Variants in SLCO3A1 observed in about 807,000 individuals in gnomAD.
SLCO3A1 encodes solute carrier organic anion transporter family member 3A1.
In SLCO3A1, 27 loss-of-function variants were observed where a neutral mutation model predicts 63.1. The ratio of observed to expected loss-of-function variants is 0.43; its 90% confidence interval spans 0.32 to 0.59. The LOEUF (loss-of-function observed/expected upper bound fraction) is 0.59, where lower values mean the gene tolerates loss of function less well. SLCO3A1 is among the 20% of genes least tolerant of loss of function. SLCO3A1 has a pLI of 0.09. For missense variants in SLCO3A1, 773 were observed against 945.8 expected (o/e 0.82, Z 2.40); for synonymous variants, 473 against 409.9 (o/e 1.15, Z -1.86).
At chr15:92,100,496 T>G (rs1166645798) in intron 3 of SLCO3A1, among the ~76,000 whole-genome samples, 1 of 152,256 alleles carries the variant, frequency 6.6e-6, no homozygotes, top group Admixed American at 6.5e-5. Context: ...TGAGACAGAT[T>G]GGTGCTTTCA....
intron 2 of SLCO3A1, among the ~76,000 whole-genome samples, chr15:91,922,473 C>T (rs1487706321): frequency 1.3e-5 from 2 of 152,178 alleles, no homozygotes; most frequent in African/African-American, 4.8e-5. Flanking sequence ...TTTCATCTGC[C>T]AAGTGTTTGA....
downstream of SLCO3A1, among the ~76,000 whole-genome samples, chr15:92,167,627 G>C (rs1207198022): frequency 6.6e-6 from 1 of 152,192 alleles, no homozygotes; most frequent in African/African-American, 2.4e-5. Context: ...TTGCTCAAGA[G>C]TAAATTGGAA....
At chr15:92,058,168 T>A (rs1597269347) in intron 2 of SLCO3A1, among the ~76,000 whole-genome samples, 1 of 142,344 alleles carries the variant, frequency 7.0e-6, no homozygotes, top group South Asian at 2.1e-4. Context: ...AGTGTGTGAG[T>A]GTGTGTGTGT....
intron 5 of SLCO3A1, among the ~76,000 whole-genome samples, chr15:92,125,456 G>A (rs1297157302): frequency 6.6e-6 from 1 of 152,084 alleles, no homozygotes; most frequent in East Asian, 1.9e-4. Flanking sequence ...AAATATATAT[G>A]CCATTTATTC....
At chr15:92,053,665 T>G (rs1005472191) in intron 2 of SLCO3A1, among the ~76,000 whole-genome samples, 1 of 113,766 alleles carries the variant, frequency 8.8e-6, no homozygotes, top group African/African-American at 3.1e-5. Context: ...TCAGTTGTGA[T>G]TTTATGTTTT....
intron 7 of SLCO3A1, among the ~76,000 whole-genome samples, chr15:92,146,700 G>T (rs2048229095): frequency 2.0e-5 from 3 of 152,122 alleles, no homozygotes; most frequent in Admixed American, 1.3e-4. Context: ...AATTGTATTG[G>T]GGGGGACACA....
At chr15:91,990,616 C>T (rs1051147763) in intron 2 of SLCO3A1, among the ~76,000 whole-genome samples, 2 of 151,756 alleles carry the variant, frequency 1.3e-5, no homozygotes, top group Non-Finnish European at 2.9e-5. Context: ...ACCAAATGCC[C>T]CTGGGACGTT....
chr15:92,002,346 C>T (rs2046265679), intron 2 of SLCO3A1, among the ~76,000 whole-genome samples: 1 of 152,192 alleles, frequency 6.6e-6, no homozygotes, highest in Non-Finnish European at 1.5e-5. Context: ...CCAGTGGAAA[C>T]TCACTCTGGA....
chr15:91,985,250 C>A (rs922317135), intron 2 of SLCO3A1, among the ~76,000 whole-genome samples: 2 of 152,158 alleles, frequency 1.3e-5, no homozygotes, highest in African/African-American at 4.8e-5. Context: ...TGTCTGGCTG[C>A]TTTTGCAGTA....
At chr15:91,924,869 G>C (rs527845156) in intron 2 of SLCO3A1, among the ~76,000 whole-genome samples, 1 of 152,276 alleles carries the variant, frequency 6.6e-6, no homozygotes, top group Admixed American at 6.5e-5. Flanking sequence ...TTTGTGGCTG[G>C]TTGGGGCCTA....
In SLCO3A1 at chr15:92,121,654, G is replaced by A. The variant is rs550846525; in HGVS notation, c.1174+1025G>A. Among the ~76,000 whole-genome samples the A allele has an allele frequency of 3.3e-5, 5 of 152,194 alleles. No homozygotes were observed. The South Asian group carries it at 6.2e-4, about 19-fold the overall frequency. On this transcript the variant is annotated intron_variant, in intron 5 of 9. Coordinates refer to ENST00000318445, the MANE Select transcript of SLCO3A1 (RefSeq NM_013272.4). ...TAAATGGATGGTAGTTGAGGACATC[G>A]GAGTGGAATTTACGTAGGAAAAAAT...
chr15:92,156,992 C>T lies in SLCO3A1; in HGVS notation c.1754-5764C>T, dbSNP rs1258962326. Among the ~76,000 whole-genome samples, 23 of 152,216 alleles carry T rather than the reference C, an allele frequency of 1.5e-4. 1 individual carries two copies. The highest frequency in any genetic ancestry group is 1.5e-3 in the Admixed American group (23 of 15,284). On this transcript the variant is annotated intron_variant, in intron 9 of 9. Coordinates refer to ENST00000318445, the MANE Select transcript of SLCO3A1 (RefSeq NM_013272.4). ...TATATAAGGCCCTGAGGTTTAATCT[C>T]TGTTAATAGATTTCAGGAAAACAGA...
At chr15:92,118,709 A>G (rs951728421) in intron 4 of SLCO3A1, among the ~76,000 whole-genome samples, 2 of 152,154 alleles carry the variant, frequency 1.3e-5, no homozygotes, top group Non-Finnish European at 2.9e-5. Context: ...TTTATTTTGC[A>G]TGCCACCACG....
intron 4 of SLCO3A1, among the ~76,000 whole-genome samples, chr15:92,105,023 T>C (rs1010031007): frequency 1.3e-5 from 2 of 148,460 alleles, no homozygotes; most frequent in African/African-American, 4.9e-5. Context: ...TCCCAGCCCT[T>C]TGGGAAGCCA....
rs1337739872 is a variant in SLCO3A1 at position 91,880,170 on chromosome 15, C to CATCCATCTATCTATCTATCTATCT, written c.180+26085_180+26086insCATCTATCTATCTATCTATCTATC. The stretch of plus-strand genomic sequence containing the variant: ...CCATCCATCCATCCATCCATCCATC[C>CATCCATCTATCTATCTATCTATCT]ATCTATCTATCTATCTATCTATCTA... On this transcript the variant is annotated intron_variant, in intron 1 of 9. Transcript: ENST00000318445. Among the ~76,000 whole-genome samples the CATCCATCTATCTATCTATCTATCT allele has an allele frequency of 6.8e-4, 86 of 126,216 alleles. 1 individual carries two copies. The highest frequency in any genetic ancestry group is 2.0e-3 in the African/African-American group (64 of 31,668). The allele number at this position is 126,216 out of a possible 152,430, so 82.8% of individuals were successfully genotyped here. A position where few individuals can be genotyped will look rare whatever the true frequency, so the allele number is the denominator to read the frequency against.
intron 7 of SLCO3A1, among the ~76,000 whole-genome samples, chr15:92,139,261 T>C (rs1417815677): frequency 9.5e-5 from 14 of 146,606 alleles, no homozygotes; most frequent in Non-Finnish European, 1.8e-4. Flanking sequence ...TGGCTCTGTT[T>C]ATATGCTGGA....
rs759460407 is a variant in SLCO3A1, at chr15:92,120,609, C to T, written c.1154C>T (p.Ser385Phe). The T allele has an allele frequency of 4.3e-6, 7 of 1,613,600 alleles. No homozygotes were observed. Residue 385 changes from serine to phenylalanine, a missense_variant, in exon 5 of 10, where the codon TCT becomes TTT. Ser to Phe is a radical substitution (Grantham distance 155, BLOSUM62 -2). This residue lies in a region of SLCO3A1 where 565 missense variants were observed against 749.8 expected (regional missense o/e 0.75). Transcript: ENST00000318445. Reference sequence around the variant, plus strand: ...GAGCAGCAGTTTAACCTCACCACCTCTTCTGCCAACCAGCTGCTTGGTGAG... The same window carrying T: ...GAGCAGCAGTTTAACCTCACCACCTTTTCTGCCAACCAGCTGCTTGGTGAG... Reference protein sequence around the residue: ...YLEQQFNLTTSSANQLLGMTA... With the variant: ...YLEQQFNLTTFSANQLLGMTA...
At chr15:92,100,514 T>A (rs1191444598) in intron 3 of SLCO3A1, among the ~76,000 whole-genome samples, 1 of 152,250 alleles carries the variant, frequency 6.6e-6, no homozygotes, top group Non-Finnish European at 1.5e-5. Flanking sequence ...TCAGTTTTGT[T>A]CTGGGCATCT....
At chr15:91,893,896 G>A (rs1282835812) in intron 1 of SLCO3A1, among the ~76,000 whole-genome samples, 1 of 152,190 alleles carries the variant, frequency 6.6e-6, no homozygotes, top group African/African-American at 2.4e-5. Flanking sequence ...TACGCAGGTA[G>A]GGAACAGATG....
Sources: allele counts gnomAD v4.1 joint callset (sites outside exome capture counted in the v4.1 genomes callset), GRCh38; gene constraint gnomAD v4.1.1; regional missense constraint gnomAD v4.1.1; transcripts MANE v1.5; gene names NCBI Gene and HGNC (gene_info 2026-07-23, HGNC 2026-07-21).